The following PLCL1 variants were observed in gnomAD, a reference collection of about 807,000 sequenced individuals.
PLCL1 encodes inactive phospholipase C-like protein 1.
A neutral mutation model predicts 84.4 loss-of-function variants in PLCL1; 41 were observed. The ratio of observed to expected loss-of-function variants is 0.49; its 90% CI spans 0.38 to 0.63. The LOEUF is 0.63. Ranked by LOEUF, PLCL1 falls within the 30% of genes least tolerant of loss-of-function variation. The pLI, the probability that PLCL1 is intolerant of heterozygous loss-of-function variation, is 0.00. For missense variants in PLCL1, 1,206 were observed against 1,367.8 expected, an observed-to-expected ratio of 0.88 and a Z score of 1.87; for synonymous variants, 490 against 488.3, an observed-to-expected ratio of 1.00 and a Z score of -0.05.
chr2:198,027,206 C>T (rs112873065), intron 1 of PLCL1, among the ~76,000 whole-genome samples: 141 of 152,140 alleles, frequency 9.3e-4, no homozygotes, highest in Middle Eastern at 3.4e-3. Context: ...TCATTTGCAA[C>T]GACATGGATG....
Position 197,804,942 on chromosome 2 carries a change from T to TGCCACC in PLCL1, c.-155_-154insACCGCC. 2.7e-6 allele frequency: 2 copies of TGCCACC among 733,012 alleles called. No individual in the cohort carries two copies. The highest frequency in any genetic ancestry group is 4.1e-6 in the Non-Finnish European group (2 of 488,956). 45.4% of individuals were successfully genotyped at this position (733,012 alleles called of 1,614,324 possible). A position where few individuals can be genotyped will look rare whatever the true frequency, so the allele number is the denominator to read the frequency against. ...GAGCGATGTCCCCTCTCCAGAAAGT[T>TGCCACC]GCCGCCGCCGCCGCCGCCGCCGCCA... On this transcript the variant is annotated 5_prime_UTR_variant, in exon 1 of 6. Transcript: ENST00000428675.
chr2:198,115,059 G>T (rs2105922954), intron 5 of PLCL1, among the ~76,000 whole-genome samples: 1 of 151,892 alleles, frequency 6.6e-6, no homozygotes, highest in East Asian at 1.9e-4. Flanking sequence ...GGCACAGAAG[G>T]TCAGAAAGAA....
chr2:197,859,749 G>A (rs1687393987), intron 1 of PLCL1, among the ~76,000 whole-genome samples: 1 of 152,142 alleles, frequency 6.6e-6, no homozygotes, highest in Non-Finnish European at 1.5e-5. Flanking sequence ...TAGGTTTGTA[G>A]CCTAGAAGCA....
At chr2:197,883,860 T>C (rs991095860) in intron 1 of PLCL1, among the ~76,000 whole-genome samples, 1 of 152,170 alleles carries the variant, frequency 6.6e-6, no homozygotes, top group African/African-American at 2.4e-5. Flanking sequence ...TTGTCCTAGA[T>C]AGGATTTTGC....
At chr2:197,870,555 C>T (rs1687632197) in intron 1 of PLCL1, among the ~76,000 whole-genome samples, 1 of 152,030 alleles carries the variant, frequency 6.6e-6, no homozygotes. Context: ...TATCATTACC[C>T]CTTCTAAATA....
chr2:198,103,909 C>A lies in PLCL1; in HGVS notation c.3078C>A (p.Ser1026Arg). 1 of 1,604,468 alleles carries A rather than the reference C, an allele frequency of 6.2e-7. No homozygotes were observed. Among genetic ancestry groups the A allele is most frequent in the Non-Finnish European group, 8.5e-7 (1 of 1,173,938 alleles). The change falls in exon 5 of 6, where the codon AGC becomes AGA. Residue 1026 changes from serine (S) to arginine (R), a missense_variant. Physicochemically the swap from Ser to Arg is moderately radical, Grantham distance 110 (BLOSUM62 -1). Coordinates refer to ENST00000428675, the MANE Select transcript of PLCL1 (RefSeq NM_006226.4). ...GAAAACTCAACAAAGCAACTGAGAG[C>A]TTTGCTTGGAACATTACAGTATTGA... ...KGRKLNKATE[S>R]FAWNITVLKG... is the part of the protein sequence containing the mutation.
chr2:198,005,742 C>T (rs779545136), intron 1 of PLCL1, among the ~76,000 whole-genome samples: 125 of 152,244 alleles, frequency 8.2e-4, no homozygotes, highest in Admixed American at 2.1e-3. Context: ...GCAGGCAACT[C>T]GCCTGAGGTG....
chr2:198,039,238 G>C (rs1212298153), intron 1 of PLCL1, among the ~76,000 whole-genome samples: 1 of 152,134 alleles, frequency 6.6e-6, no homozygotes, highest in Non-Finnish European at 1.5e-5. Context: ...CTGCAATATA[G>C]TTTTTCTAGA....
At chr2:197,941,789 A>G (rs981575468) in intron 1 of PLCL1, among the ~76,000 whole-genome samples, 42 of 152,010 alleles carry the variant, frequency 2.8e-4, no homozygotes, top group African/African-American at 1.0e-3. Context: ...GAGCATTAAC[A>G]TCTTAGCCCC....
chr2:198,093,529 A>T (rs537025706), intron 3 of PLCL1, among the ~76,000 whole-genome samples: 1 of 152,228 alleles, frequency 6.6e-6, no homozygotes, highest in Non-Finnish European at 1.5e-5. Flanking sequence ...AATAAGGGAA[A>T]AAAGCAAATC....
At chr2:198,029,209 C>T (rs1036693501) in intron 1 of PLCL1, among the ~76,000 whole-genome samples, 2 of 152,156 alleles carry the variant, frequency 1.3e-5, no homozygotes, top group Non-Finnish European at 2.9e-5. Flanking sequence ...TCTGATGATT[C>T]TTACAACTTA....
At chr2:197,975,120 C>G (rs1251912554) in intron 1 of PLCL1, among the ~76,000 whole-genome samples, 1 of 138,592 alleles carries the variant, frequency 7.2e-6, no homozygotes, top group Middle Eastern at 3.8e-3. Context: ...CGCAGTCCGG[C>G]CTGGGCGACA....
chr2:197,904,930 A>G (rs1175636500), intron 1 of PLCL1, among the ~76,000 whole-genome samples: 1 of 152,216 alleles, frequency 6.6e-6, no homozygotes, highest in African/African-American at 2.4e-5. Context: ...AGATCTTAGA[A>G]TGTGATTTAG....
rs1332065232 is a variant in PLCL1, at chr2:198,148,174, A to G, written c.*1212A>G. Reference sequence around the variant, plus strand: ...AATGTTTGTTACCTCCAACAGAACTAAATGTTCTATGGTTATGAAAGAATA... The same window carrying G: ...AATGTTTGTTACCTCCAACAGAACTGAATGTTCTATGGTTATGAAAGAATA... On this transcript the variant is annotated 3_prime_UTR_variant, in exon 6 of 6. Coordinates refer to ENST00000428675, the MANE Select transcript of PLCL1 (RefSeq NM_006226.4). 5 of 152,474 alleles carry G rather than the reference A, an allele frequency of 3.3e-5. 1 individual carries two copies. Among genetic ancestry groups the G allele is most frequent in the South Asian group, 4.1e-4 (2 of 4,832 alleles). The allele number at this position is 152,474 out of a possible 1,614,324, so 9.4% of individuals were successfully genotyped here.
chr2:198,142,808 T>C (rs944531276), intron 5 of PLCL1, among the ~76,000 whole-genome samples: 1 of 152,086 alleles, frequency 6.6e-6, no homozygotes, highest in Non-Finnish European at 1.5e-5. Flanking sequence ...TTTTTTTTTT[T>C]TCATGAAGGA....
At chr2:197,893,497 A>T (rs1454432494) in intron 1 of PLCL1, among the ~76,000 whole-genome samples, 1 of 152,200 alleles carries the variant, frequency 6.6e-6, no homozygotes, top group East Asian at 1.9e-4. Context: ...ATTCAAAGTG[A>T]GGTCCTTCAT....
chr2:197,945,715 T>G (rs974998343), intron 1 of PLCL1, among the ~76,000 whole-genome samples: 11 of 152,198 alleles, frequency 7.2e-5, no homozygotes, highest in Non-Finnish European at 1.3e-4. Flanking sequence ...CAGTTTGTTT[T>G]GAGGATTAAA....
At chr2:198,145,749 G>A (rs75094486) in intron 5 of PLCL1, among the ~76,000 whole-genome samples, 3,520 of 152,256 alleles carry the variant, frequency 0.023, 128 homozygotes, top group African/African-American at 0.08. Flanking sequence ...TAAAATACAA[G>A]TTTCTTCATA....
chr2:197,897,206 T>TTC (rs1688168731), intron 1 of PLCL1, among the ~76,000 whole-genome samples: 1 of 71,798 alleles, frequency 1.4e-5, no homozygotes, highest in Admixed American at 1.6e-4. Flanking sequence ...TCCTTCTTCT[T>TTC]TCTTCTTCCT....
Sources: gnomAD v4.1 joint callset for allele counts (sites outside exome capture counted in the v4.1 genomes callset) on GRCh38, gnomAD v4.1.1 for gene constraint, MANE v1.5 for transcripts, NCBI Gene and HGNC (gene_info 2026-07-23, HGNC 2026-07-21) for gene names.